Variants in KALRN observed in about 807,000 individuals in gnomAD.
KALRN encodes kalirin RhoGEF kinase.
KALRN carries 70 observed loss-of-function variants against 353.7 expected under a neutral mutation model. The observed-to-expected ratio is 0.20, with a 90% confidence interval of 0.16 to 0.24. KALRN has a LOEUF of 0.24. Among genes scored for constraint, KALRN ranks in the 10% least tolerant of loss-of-function variants. The pLI is 1.00. For synonymous variants in KALRN, 1,391 were observed against 1,434.8 expected (o/e 0.97, Z 0.69); for missense variants, 2,791 against 3,756.7 (o/e 0.74, Z 6.72).
Position 124,717,403 on chromosome 3 carries a change from C to A in KALRN, c.8415+18C>A, listed in dbSNP as rs1185735362. ...ACATAAAGGTAATAAGAAGTGGCAA[C>A]CTGCTGGGCGCAGTGGCTCACGCCT... On this transcript the variant is annotated intron_variant, in intron 59 of 59. Coordinates refer to ENST00000682506, the MANE Select transcript of KALRN (RefSeq NM_001388419.1). 3.8e-6 allele frequency: 6 copies of A among 1,573,434 alleles called. No individual in the cohort carries two copies. Among genetic ancestry groups the A allele is most frequent in the Non-Finnish European group, 4.3e-6 (5 of 1,158,658 alleles).
At chr3:124,159,827 G>A (rs1363431433) in intron 1 of KALRN, among the ~76,000 whole-genome samples, 3 of 151,848 alleles carry the variant, frequency 2.0e-5, no homozygotes, top group Non-Finnish European at 4.4e-5. Flanking sequence ...TTCTTAATCC[G>A]GTGTTCATAT....
chr3:124,717,111 A>T, intron 58 of KALRN, 136 bp from the exon 59 acceptor site: 1 of 664,628 alleles, frequency 1.5e-6, no homozygotes, highest in Non-Finnish European at 2.4e-6. Context: ...CTAAATATGC[A>T]TGTGTTGCAC....
chr3:124,117,126 GAAGTGGCAGATGGAAGATC>G (rs1387512417), intron 1 of KALRN, among the ~76,000 whole-genome samples: 1 of 152,292 alleles, frequency 6.6e-6, no homozygotes, highest in African/African-American at 2.4e-5. Context: ...TTGAATTGGG[GAAGTGGCAGATGGAAGATC>G]AAGTGGCAGA....
intron 1 of KALRN, chr3:124,132,936 C>T (rs2065471801): frequency 6.5e-6 from 1 of 154,158 alleles, no homozygotes; most frequent in African/African-American, 2.4e-5. Flanking sequence ...CCATCTTCCT[C>T]TCTGTCCTCT....
At chr3:124,696,294 A>G in intron 54 of KALRN, 39 bp downstream of exon 54, 12 of 1,597,430 alleles carry the variant, frequency 7.5e-6, no homozygotes, top group Non-Finnish European at 9.4e-6. Context: ...TGAAATATAT[A>G]TATATTTTTA....
chr3:124,212,614 G>T (rs1358459553), intron 1 of KALRN, among the ~76,000 whole-genome samples: 1 of 151,874 alleles, frequency 6.6e-6, no homozygotes, highest in Non-Finnish European at 1.5e-5. Context: ...TTTTTCCTTA[G>T]TTCCTTCACA....
intron 1 of KALRN, among the ~76,000 whole-genome samples, chr3:124,088,904 T>C (rs1011885230): frequency 5.3e-5 from 8 of 152,162 alleles, no homozygotes; most frequent in South Asian, 4.1e-4. Flanking sequence ...AATATTCAAA[T>C]TGGCTAGTGT....
intron 1 of KALRN, among the ~76,000 whole-genome samples, chr3:124,206,028 G>A (rs910825650): frequency 3.3e-5 from 5 of 152,188 alleles, no homozygotes; most frequent in African/African-American, 1.2e-4. Flanking sequence ...TTGAGGTAGA[G>A]ATAGAAAGCA....
chr3:124,411,727 C>G (rs923158519), intron 13 of KALRN, among the ~76,000 whole-genome samples: 1 of 152,010 alleles, frequency 6.6e-6, no homozygotes, highest in Non-Finnish European at 1.5e-5. Flanking sequence ...ATTATAGGCA[C>G]AAGCCACTGC....
chr3:124,275,686 C>G (rs2074637036), intron 5 of KALRN, among the ~76,000 whole-genome samples: 1 of 152,228 alleles, frequency 6.6e-6, no homozygotes, highest in African/African-American at 2.4e-5. Context: ...TGGGTGCCTG[C>G]TGAGACCATG....
At chr3:124,446,427 A>C in intron 20 of KALRN, 151 bp downstream of exon 20, 1 of 634,936 alleles carries the variant, frequency 1.6e-6, no homozygotes, top group Non-Finnish European at 2.7e-6. Flanking sequence ...ACCTGTCAGC[A>C]GTTCAGCATT....
chr3:124,132,428 A>C (rs975373112), intron 1 of KALRN, among the ~76,000 whole-genome samples: 8 of 152,174 alleles, frequency 5.3e-5, no homozygotes, highest in African/African-American at 1.7e-4. Flanking sequence ...AGTGAGAGGG[A>C]GCCTCCATCA....
At chr3:124,652,302 T>A (rs1365908601) in intron 38 of KALRN, among the ~76,000 whole-genome samples, 3 of 152,250 alleles carry the variant, frequency 2.0e-5, no homozygotes, top group Admixed American at 1.3e-4. Flanking sequence ...ACAAGTAGCA[T>A]GTAAATCTTG....
At chr3:124,103,000 A>G (rs1559956808) in intron 1 of KALRN, among the ~76,000 whole-genome samples, 1 of 152,192 alleles carries the variant, frequency 6.6e-6, no homozygotes, top group Non-Finnish European at 1.5e-5. Flanking sequence ...TTAAAGTCAG[A>G]GAGCTGCTAA....
Position 124,660,923 on chromosome 3 carries a change from G to A in KALRN, c.6217G>A (p.Asp2073Asn). 6.2e-7 allele frequency: 1 copy of A among 1,608,756 alleles called. No homozygotes were observed. Among genetic ancestry groups the A allele is most frequent in the Non-Finnish European group, 8.5e-7 (1 of 1,175,318 alleles). Residue 2073 changes from aspartate to asparagine, a missense_variant and splice_region_variant, in exon 44 of 60, where the codon GAC (aspartate) becomes AAC (asparagine). Around this residue, in one of 11 missense-constraint regions of KALRN, gnomAD observed 1,065 missense variants for 1,156.4 expected, o/e 0.92. Coordinates refer to ENST00000682506, the MANE Select transcript of KALRN (RefSeq NM_001388419.1). ...CTTGCCTGCTTCCCCTACTTGTTAGGACTTCCTGAGATACAGTGAGAAGGC... is the reference window on the plus strand; with the variant it reads ...CTTGCCTGCTTCCCCTACTTGTTAGAACTTCCTGAGATACAGTGAGAAGGC... ...RITKYQLLLK[D>N]FLRYSEKAGL...
intron 37 of KALRN, 147 bp downstream of exon 37, chr3:124,637,450 C>G (rs1482129285): frequency 3.0e-6 from 2 of 664,500 alleles, no homozygotes; most frequent in Non-Finnish European, 2.7e-6. Flanking sequence ...AAGCTGTACC[C>G]CAGAGTCCTT....
At chr3:124,467,678 G>A (rs184326270) in intron 25 of KALRN, among the ~76,000 whole-genome samples, 94 of 152,304 alleles carry the variant, frequency 6.2e-4, no homozygotes, top group Admixed American at 9.8e-4. Flanking sequence ...GAAGCAGAGA[G>A]AGGTCTCATT....
chr3:124,288,686 C>T (rs1051782841), intron 5 of KALRN, among the ~76,000 whole-genome samples: 3 of 151,964 alleles, frequency 2.0e-5, no homozygotes, highest in African/African-American at 4.8e-5. Context: ...TGATGGGGTC[C>T]GATGGCTTAG....
intron 34 of KALRN, among the ~76,000 whole-genome samples, chr3:124,587,751 G>A (rs1314234637): frequency 7.4e-6 from 1 of 135,058 alleles, no homozygotes; most frequent in East Asian, 2.1e-4. Flanking sequence ...TGTTGCCCAG[G>A]CTGGAGTGTA....
Sources: gnomAD v4.1 joint callset for allele counts (sites outside exome capture counted in the v4.1 genomes callset) on GRCh38, gnomAD v4.1.1 for gene constraint, gnomAD v4.1.1 regional missense constraint, MANE v1.5 for transcripts, NCBI Gene and HGNC (gene_info 2026-07-23, HGNC 2026-07-21) for gene names.